Variants in VAV3 observed in about 807,000 individuals in gnomAD.
VAV3 encodes the protein guanine nucleotide exchange factor VAV3.
Under a neutral mutation model 131.2 loss-of-function variants are expected in VAV3, and 94 were observed. The ratio of observed to expected loss-of-function variants is 0.72; its 90% CI spans 0.61 to 0.85. The LOEUF (loss-of-function observed/expected upper bound fraction) is 0.85, where lower values mean the gene tolerates loss of function less well. VAV3 is among the 40% of genes least tolerant of loss of function. VAV3 has a pLI of 0.00. For synonymous variants in VAV3, 349 were observed against 342.0 expected (o/e 1.02, Z -0.22); for missense variants, 939 against 1,002.7 (o/e 0.94, Z 0.86).
intron 15 of VAV3, among the ~76,000 whole-genome samples, chr1:107,744,206 C>T (rs978699398): frequency 2.0e-5 from 3 of 152,206 alleles, no homozygotes; most frequent in African/African-American, 4.8e-5. Flanking sequence ...CGTCCCACTA[C>T]CATTAGTCCT....
intron 1 of VAV3, among the ~76,000 whole-genome samples, chr1:107,900,316 C>T (rs1484469555): frequency 5.3e-5 from 8 of 152,144 alleles, no homozygotes; most frequent in Non-Finnish European, 1.0e-4. Context: ...AGGAAGTTAC[C>T]TTTATGCACC....
intron 2 of VAV3, among the ~76,000 whole-genome samples, chr1:107,819,902 A>AGG (rs1667722033): frequency 6.6e-6 from 1 of 152,176 alleles, no homozygotes; most frequent in Non-Finnish European, 1.5e-5. Context: ...TCAAAACTAC[A>AGG]GTGAAATATC....
At chr1:107,702,166 T>C (rs1417245653) in intron 17 of VAV3, among the ~76,000 whole-genome samples, 1 of 152,184 alleles carries the variant, frequency 6.6e-6, no homozygotes, top group Non-Finnish European at 1.5e-5. Flanking sequence ...TCAGGAAACT[T>C]ACAATCATGG....
chr1:107,739,144 A>G (rs1662858606), intron 15 of VAV3, among the ~76,000 whole-genome samples: 1 of 152,218 alleles, frequency 6.6e-6, no homozygotes, highest in Non-Finnish European at 1.5e-5. Context: ...CTCCTTCCTC[A>G]TAAGCATGTT....
intron 15 of VAV3, among the ~76,000 whole-genome samples, chr1:107,737,258 G>A (rs1248403079): frequency 6.6e-6 from 1 of 152,148 alleles, no homozygotes; most frequent in East Asian, 1.9e-4. Context: ...AACCCTAGAA[G>A]AAAACCTAGG....
chr1:107,724,107 C>T (rs1259231578), intron 15 of VAV3, among the ~76,000 whole-genome samples: 1 of 152,044 alleles, frequency 6.6e-6, no homozygotes, highest in African/African-American at 2.4e-5. Context: ...TGAAGAACAA[C>T]AGCAACATTT....
intron 2 of VAV3, among the ~76,000 whole-genome samples, chr1:107,792,694 C>T (rs554836368): frequency 5.3e-4 from 80 of 152,222 alleles, no homozygotes; most frequent in Admixed American, 2.1e-3. Flanking sequence ...ACATTGTATT[C>T]GCTTGAAACT....
At chr1:107,833,850 T>G (rs1024828507) in intron 2 of VAV3, among the ~76,000 whole-genome samples, 1 of 152,202 alleles carries the variant, frequency 6.6e-6, no homozygotes, top group Non-Finnish European at 1.5e-5. Flanking sequence ...TAATTAATAA[T>G]TCCATTCAAG....
rs538643575 is a variant in VAV3, at chr1:107,922,306, G to GA, written c.204+42359dup. 7.5e-4 allele frequency among the ~76,000 whole-genome samples: 112 copies of GA among 148,404 alleles called. No individual in the cohort carries two copies. The South Asian group carries it at 9.1e-3, about 12-fold the overall frequency. ...ATGTCTTGTTTTGTGTCAGTATCCA[G>GA]AAAAAAAAAATCACTGAGTTTATCC... On this transcript the variant is annotated intron_variant, in intron 1 of 26. Coordinates refer to ENST00000370056, the MANE Select transcript of VAV3 (RefSeq NM_006113.5).
At chr1:107,947,589 GA>G (rs1674328793) in intron 1 of VAV3, among the ~76,000 whole-genome samples, 1 of 152,096 alleles carries the variant, frequency 6.6e-6, no homozygotes, top group Non-Finnish European at 1.5e-5. Flanking sequence ...CACTCCATAA[GA>G]AAGAAAATTA....
At chr1:107,779,002 C>T (rs1291501534) in intron 3 of VAV3, among the ~76,000 whole-genome samples, 1 of 152,086 alleles carries the variant, frequency 6.6e-6, no homozygotes, top group African/African-American at 2.4e-5. Flanking sequence ...TTCTTGTACA[C>T]ATGTTTTATA....
intron 2 of VAV3, among the ~76,000 whole-genome samples, chr1:107,840,710 T>C (rs1354140609): frequency 3.9e-5 from 6 of 151,904 alleles, no homozygotes; most frequent in Non-Finnish European, 7.4e-5. Context: ...AAAAAGTGAC[T>C]AGGAACAAAA....
chr1:107,743,380 A>C (rs1663135326), intron 15 of VAV3, among the ~76,000 whole-genome samples: 1 of 152,122 alleles, frequency 6.6e-6, no homozygotes, highest in South Asian at 2.1e-4. Context: ...ATTGATTACA[A>C]GTGGAGAGAG....
At chr1:107,758,102 T>C (rs1005795689) in intron 10 of VAV3, among the ~76,000 whole-genome samples, 3 of 152,180 alleles carry the variant, frequency 2.0e-5, no homozygotes, top group Non-Finnish European at 2.9e-5. Context: ...TTCTGTTTTA[T>C]TGAATGATGG....
At chr1:107,699,723 G>T (rs972320468) in intron 17 of VAV3, among the ~76,000 whole-genome samples, 1 of 151,998 alleles carries the variant, frequency 6.6e-6, no homozygotes, top group African/African-American at 2.4e-5. Context: ...CCCAAAGCTC[G>T]ATTCTTTCTC....
intron 1 of VAV3, among the ~76,000 whole-genome samples, chr1:107,898,103 T>TA (rs71684098): frequency 0.23 from 34,752 of 148,606 alleles, 4,133 homozygotes; most frequent in African/African-American, 0.3. Flanking sequence ...ATTATTAAAT[T>TA]AAAAAAAAAA....
intron 2 of VAV3, among the ~76,000 whole-genome samples, chr1:107,872,529 T>C (rs1293579964): frequency 2.6e-5 from 4 of 152,164 alleles, no homozygotes; most frequent in Admixed American, 2.6e-4. Context: ...ACATCAGAAA[T>C]TATTTTGTTT....
chr1:107,742,420 T>C (rs926806450), intron 15 of VAV3, among the ~76,000 whole-genome samples: 6 of 152,184 alleles, frequency 3.9e-5, no homozygotes, highest in Admixed American at 1.3e-4. Context: ...CCATATTCCA[T>C]GGGCCCAGAC....
intron 9 of VAV3, 133 bp from the exon 10 acceptor site, chr1:107,761,012 A>G (rs1482961683): frequency 1.1e-5 from 6 of 523,022 alleles, no homozygotes; most frequent in African/African-American, 9.6e-5. Flanking sequence ...TGTAAATAAC[A>G]GAAAGTATCT....
Sources: gnomAD v4.1 joint callset for allele counts (sites outside exome capture counted in the v4.1 genomes callset) on GRCh38, gnomAD v4.1.1 for gene constraint, MANE v1.5 for transcripts, NCBI Gene and HGNC (gene_info 2026-07-23, HGNC 2026-07-21) for gene names.